Variants in PTPRN2 observed in about 807,000 individuals in gnomAD.
PTPRN2 encodes protein tyrosine phosphatase receptor type N2.
In PTPRN2, 74 loss-of-function variants were observed where a neutral mutation model predicts 118.8. The observed-to-expected ratio is 0.62, with a 90% CI of 0.52 to 0.76. The LOEUF is 0.76. Among genes scored for constraint, PTPRN2 ranks in the 30% least tolerant of loss-of-function variants. PTPRN2 has a pLI of 0.00. For synonymous variants in PTPRN2, 641 were observed against 608.0 expected (o/e 1.05, Z -0.80); for missense variants, 1,481 against 1,394.4 (o/e 1.06, Z -0.99).
At chr7:157,713,833 C>A (rs896161878) in intron 12 of PTPRN2, among the ~76,000 whole-genome samples, 1 of 152,212 alleles carries the variant, frequency 6.6e-6, no homozygotes, top group South Asian at 2.1e-4. Flanking sequence ...GAGAGCCCCA[C>A]GAAGCAGCTC....
At chr7:157,950,023 C>T (rs1800711570) in intron 11 of PTPRN2, among the ~76,000 whole-genome samples, 1 of 152,146 alleles carries the variant, frequency 6.6e-6, no homozygotes, top group African/African-American at 2.4e-5. Context: ...GGTTGAGATG[C>T]TTTTTATTTA....
At chr7:158,095,134 C>T (rs1463674514) in intron 10 of PTPRN2, among the ~76,000 whole-genome samples, 1 of 151,956 alleles carries the variant, frequency 6.6e-6, no homozygotes, top group Non-Finnish European at 1.5e-5. Context: ...GAATAACCTG[C>T]CCCGCCCATC....
chr7:158,375,999 G>A (rs1810468979), intron 2 of PTPRN2, among the ~76,000 whole-genome samples: 1 of 152,126 alleles, frequency 6.6e-6, no homozygotes, highest in African/African-American at 2.4e-5. Context: ...AAGAACCTGG[G>A]TATCAACAGG....
At chr7:158,398,363 C>T (rs1045150493) in intron 2 of PTPRN2, among the ~76,000 whole-genome samples, 16 of 152,158 alleles carry the variant, frequency 1.1e-4, no homozygotes, top group African/African-American at 3.9e-4. Context: ...CAGGCAATGC[C>T]GAGGGCAGCT....
At chr7:157,738,639 A>C (rs1306373066) in intron 12 of PTPRN2, among the ~76,000 whole-genome samples, 2 of 152,216 alleles carry the variant, frequency 1.3e-5, no homozygotes, top group Non-Finnish European at 2.9e-5. Context: ...TTGACATTTT[A>C]GGCATTGAAG....
At chr7:157,722,890 C>T (rs1799323439) in intron 12 of PTPRN2, among the ~76,000 whole-genome samples, 1 of 152,082 alleles carries the variant, frequency 6.6e-6, no homozygotes, top group Non-Finnish European at 1.5e-5. Context: ...CAGGCTGTGT[C>T]ACCTGTGAGG....
intron 12 of PTPRN2, among the ~76,000 whole-genome samples, chr7:157,800,184 C>T (rs1304070683): frequency 6.6e-6 from 1 of 151,556 alleles, no homozygotes; most frequent in Non-Finnish European, 1.5e-5. Flanking sequence ...ATGCCCTCCT[C>T]CATCCCTCAG....
At chr7:158,575,688 C>T (rs574058749) in intron 1 of PTPRN2, among the ~76,000 whole-genome samples, 1 of 152,290 alleles carries the variant, frequency 6.6e-6, no homozygotes, top group Non-Finnish European at 1.5e-5. Context: ...TATATTTCAA[C>T]CCCTCAGAAC....
At chr7:158,168,402 G>A (rs1013796681) in intron 5 of PTPRN2, among the ~76,000 whole-genome samples, 4 of 152,172 alleles carry the variant, frequency 2.6e-5, no homozygotes, top group African/African-American at 2.4e-5. Context: ...ATCTTTGTGT[G>A]CCCTTATTGA....
At chr7:158,137,589 A>G (rs1426014435) in intron 7 of PTPRN2, among the ~76,000 whole-genome samples, 3 of 151,812 alleles carry the variant, frequency 2.0e-5, no homozygotes, top group Non-Finnish European at 1.5e-5. Context: ...CTGGGCGACC[A>G]CCTAACACAG....
intron 22 of PTPRN2, among the ~76,000 whole-genome samples, chr7:157,548,547 G>C (rs981150455): frequency 8.5e-5 from 13 of 152,224 alleles, no homozygotes; most frequent in Admixed American, 3.9e-4. Flanking sequence ...TGTGCCCTGG[G>C]GGCCTCCACA....
chr7:158,396,048 C>T (rs576522319), intron 2 of PTPRN2, among the ~76,000 whole-genome samples: 2 of 152,240 alleles, frequency 1.3e-5, no homozygotes, highest in East Asian at 3.9e-4. Flanking sequence ...TTCTCAACAG[C>T]CACATCGCAG....
intron 14 of PTPRN2, among the ~76,000 whole-genome samples, chr7:157,636,444 G>T (rs1804325933): frequency 6.6e-6 from 1 of 152,206 alleles, no homozygotes; most frequent in Non-Finnish European, 1.5e-5. Context: ...ACAGTGTGAT[G>T]ATTTTAATAC....
chr7:157,891,939 TCCC>T (rs1796834131), intron 12 of PTPRN2, among the ~76,000 whole-genome samples: 1 of 152,202 alleles, frequency 6.6e-6, no homozygotes, highest in Admixed American at 6.5e-5. Context: ...GAGCAGCTCT[TCCC>T]CTCAGCTTCT....
At chr7:158,446,294 T>C (rs951337094) in intron 2 of PTPRN2, among the ~76,000 whole-genome samples, 2 of 152,250 alleles carry the variant, frequency 1.3e-5, no homozygotes, top group African/African-American at 2.4e-5. Flanking sequence ...TAAGAAAAAG[T>C]ACATTTTAAT....
intron 3 of PTPRN2, among the ~76,000 whole-genome samples, chr7:158,297,706 G>A (rs577293250): frequency 5.3e-5 from 8 of 152,304 alleles, no homozygotes; most frequent in African/African-American, 1.9e-4. Context: ...TGCTACAGGT[G>A]CACACCACAC....
At chr7:158,412,004 G>T (rs9692003) in intron 2 of PTPRN2, among the ~76,000 whole-genome samples, 1 of 148,404 alleles carries the variant, frequency 6.7e-6, no homozygotes. Flanking sequence ...TCAGCTGCAG[G>T]GCCCATCACA....
chr7:157,610,353 C>G lies in PTPRN2; in HGVS notation c.2345-6278G>C, dbSNP rs973092734. 1.3e-5 allele frequency among the ~76,000 whole-genome samples: 2 copies of G among 152,226 alleles called. No individual in the cohort carries two copies. The highest frequency in any genetic ancestry group is 4.8e-5 in the African/African-American group (2 of 41,460). On this transcript the variant is annotated intron_variant, in intron 15 of 22. Transcript: ENST00000389418. The surrounding 1 kb of genome is among the most constrained non-coding windows in gnomAD (Gnocchi z 5.1). ...CCTCTGCTTTCTGTGAAGGTTTAGG[C>G]TCAGTCATTTATGCTGGCAGGAGGC... is the stretch of plus-strand genomic sequence containing the variant.
intron 3 of PTPRN2, among the ~76,000 whole-genome samples, chr7:158,310,731 C>T (rs184752925): frequency 7.3e-6 from 1 of 137,250 alleles, no homozygotes; most frequent in African/African-American, 2.8e-5. Context: ...AGCGCAAGTC[C>T]CACGGAGGGC....
Sources: allele counts gnomAD v4.1 joint callset (sites outside exome capture counted in the v4.1 genomes callset), GRCh38; gene constraint gnomAD v4.1.1; non-coding constraint Gnocchi (gnomAD v3.1); transcripts MANE v1.5; gene names NCBI Gene and HGNC (gene_info 2026-07-23, HGNC 2026-07-21).